Variants in AMHR2 observed in about 807,000 individuals in gnomAD.
The protein encoded by AMHR2 is anti-Mullerian hormone receptor type 2, also known as anti-Muellerian hormone type-2 receptor.
In AMHR2, 36 loss-of-function variants were observed where a neutral mutation model predicts 61.4. That is an observed-to-expected ratio of 0.59 (90% CI 0.45 to 0.77). The LOEUF is 0.77. AMHR2 is among the 30% of genes least tolerant of loss of function. The probability of loss-of-function intolerance (pLI) is 0.00; values close to 1 mark genes in which losing one functional copy is unlikely to be tolerated. For synonymous variants in AMHR2, 258 were observed against 279.4 expected (o/e 0.92, Z 0.76); for missense variants, 638 against 714.6 (o/e 0.89, Z 1.22).
chr12:53,424,296 A>C lies in AMHR2; in HGVS notation c.58A>C (p.Asn20His), dbSNP rs1400848447. Residue 20 changes from asparagine (N) to histidine (H), a missense_variant, in exon 2 of 11, where the codon AAC (asparagine) becomes CAC (histidine). Transcript: ENST00000257863. ...CCCACCCTGGGCCTCAGCACCCCCA[A>C]ACAGGCGAACCTGTGTGTTCTTTGA... is the stretch of plus-strand genomic sequence containing the variant. The part of the protein sequence containing the change: ...LLPTAVEAPP[N>H]RRTCVFFEAP... 2.9e-5 allele frequency: 46 copies of C among 1,612,330 alleles called. No homozygotes were observed. Among genetic ancestry groups the C allele is most frequent in the Non-Finnish European group, 3.9e-5 (46 of 1,180,006 alleles).
rs748586967 is a variant in AMHR2 at position 53,425,875 on chromosome 12, C to T, written c.808C>T (p.Arg270Cys). 2.0e-5 allele frequency: 33 copies of T among 1,613,930 alleles called. No individual in the cohort carries two copies. The highest frequency in any genetic ancestry group is 1.5e-4 in the Admixed American group (9 of 59,986). The change falls in exon 6 of 11, where the codon CGC becomes TGC. Residue 270 changes from arginine to cysteine, a missense_variant. Arg to Cys is a radical substitution (Grantham distance 180). Coordinates refer to ENST00000257863, the MANE Select transcript of AMHR2 (RefSeq NM_020547.3). ...FITASRGGPG[R>C]LLSGPLLVLE... is the part of the protein sequence containing the mutation. ...CACTGCCAGCCGGGGGGGTCCTGGCCGCCTGCTCTCTGGGCCCCTGCTGGT... is the reference window on the plus strand; with the variant it reads ...CACTGCCAGCCGGGGGGGTCCTGGCTGCCTGCTCTCTGGGCCCCTGCTGGT...
chr12:53,426,323 A>G (rs1411406697), intron 6 of AMHR2, among the ~76,000 whole-genome samples: 1 of 140,834 alleles, frequency 7.1e-6, no homozygotes, highest in South Asian at 2.3e-4. Flanking sequence ...GAGCGAGACC[A>G]TGTGAAAAAA....
chr12:53,428,980 G>C lies in AMHR2; in HGVS notation c.937G>C (p.Ala313Pro). The C allele has an allele frequency of 6.4e-7, 1 of 1,551,414 alleles. No homozygotes were observed. The highest frequency in any genetic ancestry group is 8.7e-7 in the Non-Finnish European group (1 of 1,147,014). Reference sequence around the variant, plus strand: ...GGCACTGTCCCTGGCCCAGGGCCTGGCATTTCTCCATGAGGAGCGCTGGCA... The same window carrying C: ...GGCACTGTCCCTGGCCCAGGGCCTGCCATTTCTCCATGAGGAGCGCTGGCA... The part of the protein sequence containing the change: ...RMALSLAQGL[A>P]FLHEERWQNG... Residue 313 changes from alanine (A) to proline (P), a missense_variant, in exon 7 of 11, where the codon GCA becomes CCA. By Grantham distance (27) the Ala-to-Pro change is conservative (BLOSUM62 -1). Coordinates refer to ENST00000257863, the MANE Select transcript of AMHR2 (RefSeq NM_020547.3).
At position 53,424,273 on chromosome 12, in the gene AMHR2, C is replaced by T. The variant is rs903791874; in HGVS notation, c.50-15C>T. 4 of 1,612,258 alleles carry T rather than the reference C, an allele frequency of 2.5e-6. No individual in the cohort carries two copies. In the South Asian group the frequency reaches 3.3e-5, roughly 13 times the overall value. On this transcript the variant is annotated splice_polypyrimidine_tract_variant and intron_variant, in intron 1 of 10. Transcript: ENST00000257863. Reference sequence around the variant, plus strand: ...CCCACCTTGAATCTTTTCCTTTCCCCACCCTGGGCCTCAGCACCCCCAAAC... The same window carrying T: ...CCCACCTTGAATCTTTTCCTTTCCCTACCCTGGGCCTCAGCACCCCCAAAC...
At position 53,425,225 on chromosome 12, in the gene AMHR2, T is replaced by G. The variant is rs754221933; in HGVS notation, c.485T>G (p.Leu162Arg). Reference sequence around the variant, plus strand: ...CTGTTCCTCCTCCTCCTGCTGCTGCTGGGCAGCATCATCTTGGGTACTAAT... The same window carrying G: ...CTGTTCCTCCTCCTCCTGCTGCTGCGGGGCAGCATCATCTTGGGTACTAAT... ...LGLFLLLLLLLGSIILALLQR... is the reference protein window; with the variant it reads ...LGLFLLLLLLRGSIILALLQR... Residue 162 changes from leucine (L) to arginine (R), a missense_variant, in exon 4 of 11, where the codon CTG (leucine) becomes CGG (arginine). Transcript: ENST00000257863. 6.2e-7 allele frequency: 1 copy of G among 1,613,806 alleles called. No individual in the cohort carries two copies. Among genetic ancestry groups the G allele is most frequent in the Non-Finnish European group, 8.5e-7 (1 of 1,179,972 alleles).
At chr12:53,427,230 A>G (rs1011345120) in intron 6 of AMHR2, among the ~76,000 whole-genome samples, 1 of 152,100 alleles carries the variant, frequency 6.6e-6, no homozygotes, top group African/African-American at 2.4e-5. Context: ...AACTATAAGA[A>G]TAATAAGATG....
chr12:53,424,487 A>G lies in AMHR2; in HGVS notation c.232+17A>G. On this transcript the variant is annotated intron_variant, in intron 2 of 10. Transcript: ENST00000257863. ...AAATGCAAGGTGAATGGCAAAGTATATGGCAGGTGATGGCTAGGGTGGGAG... is the reference window on the plus strand; with the variant it reads ...AAATGCAAGGTGAATGGCAAAGTATGTGGCAGGTGATGGCTAGGGTGGGAG... 1.9e-6 allele frequency: 3 copies of G among 1,609,042 alleles called. No homozygotes were observed. The highest frequency in any genetic ancestry group is 2.5e-6 in the Non-Finnish European group (3 of 1,177,792).
chr12:53,424,179 A>T, intron 1 of AMHR2, 109 bp from the exon 2 acceptor site: 1 of 1,482,114 alleles, frequency 6.7e-7, no homozygotes, highest in Admixed American at 1.7e-5. Flanking sequence ...TGGCTTTACC[A>T]TACTGACGCT....
chr12:53,424,333 T>C lies in AMHR2; in HGVS notation c.95T>C (p.Val32Ala). 2 of 1,612,502 alleles carry C rather than the reference T, an allele frequency of 1.2e-6. No homozygotes were observed. The highest frequency in any genetic ancestry group is 1.7e-6 in the Non-Finnish European group (2 of 1,179,916). The change falls in exon 2 of 11, where the codon GTG (valine) becomes GCG (alanine). Residue 32 changes from valine to alanine, a missense_variant. By Grantham distance (64) the Val-to-Ala change is moderately conservative. Transcript: ENST00000257863. ...RTCVFFEAPG[V>A]RGSTKTLGEL... is the part of the protein sequence containing the mutation. ...TGTGTGTTCTTTGAGGCCCCTGGAG[T>C]GCGGGGAAGCACAAAGACACTGGGA... is the stretch of plus-strand genomic sequence containing the variant.
In AMHR2 at chr12:53,425,815, C is replaced by G. The variant is rs926386950; in HGVS notation, c.748C>G (p.Pro250Ala). The G allele has an allele frequency of 6.2e-7, 1 of 1,614,142 alleles. No homozygotes were observed. The highest frequency in any genetic ancestry group is 8.5e-7 in the Non-Finnish European group (1 of 1,180,024). ...FQAERALYEL[P>A]GLQHDHIVRF... is the part of the protein sequence containing the mutation. ...AGCTGAGAGAGCATTGTACGAACTTCCAGGCCTACAGCACGACCACATTGT... is the reference window on the plus strand; with the variant it reads ...AGCTGAGAGAGCATTGTACGAACTTGCAGGCCTACAGCACGACCACATTGT... The change falls in exon 6 of 11, where the codon CCA (proline) becomes GCA (alanine). Residue 250 changes from proline (P) to alanine (A), a missense_variant. Coordinates refer to ENST00000257863, the MANE Select transcript of AMHR2 (RefSeq NM_020547.3).
intron 6 of AMHR2, among the ~76,000 whole-genome samples, chr12:53,427,496 C>T (rs1236454065): frequency 6.6e-6 from 1 of 152,168 alleles, no homozygotes. Flanking sequence ...GCCTCTACCT[C>T]CTGGTTTCAA....
chr12:53,430,150 C>A lies in AMHR2; in HGVS notation c.1293C>A (p.Ser431Arg), dbSNP rs554545861. The change falls in exon 10 of 11, where the codon AGC becomes AGA. Residue 431 changes from serine (S) to arginine (R), a missense_variant. By Grantham distance (110) the Ser-to-Arg change is moderately radical. Transcript: ENST00000257863. ...LSRCPDLRPD[S>R]SPPPFQLAYE... The stretch of plus-strand genomic sequence containing the variant: ...AGCCCCTCTACCTTCCTCCAGACAG[C>A]AGTCCACCACCCTTCCAACTGGCCT... The A allele has an allele frequency of 6.2e-7, 1 of 1,614,188 alleles. No individual in the cohort carries two copies. The highest frequency in any genetic ancestry group is 1.1e-5 in the South Asian group (1 of 91,088).
chr12:53,427,392 C>T, intron 6 of AMHR2, among the ~76,000 whole-genome samples: 1 of 151,962 alleles, frequency 6.6e-6, no homozygotes, highest in East Asian at 1.9e-4. Flanking sequence ...ACGCTACCCG[C>T]TTTTTATTTT....
chr12:53,427,391 G>A (rs375461349), intron 6 of AMHR2, among the ~76,000 whole-genome samples: 1 of 151,894 alleles, frequency 6.6e-6, no homozygotes, highest in Non-Finnish European at 1.5e-5. Context: ...TACGCTACCC[G>A]CTTTTTATTT....
chr12:53,430,621 GC>G, intron 10 of AMHR2: 1 of 446,234 alleles, frequency 2.2e-6, no homozygotes, highest in Admixed American at 3.4e-5. Flanking sequence ...CCTGAGCTCT[GC>G]CCCATCTGCT....
Position 53,431,572 on chromosome 12 carries a change from T to A in AMHR2, c.*99T>A. On this transcript the variant is annotated 3_prime_UTR_variant, in exon 11 of 11. Transcript: ENST00000257863. ...ATCACTGCATTTCCCACCTGCCGAA[T>A]CCTTGGATTCTTCTGCGGGCATCCA... 1 of 1,498,292 alleles carries A rather than the reference T, an allele frequency of 6.7e-7. No homozygotes were observed. Among genetic ancestry groups the A allele is most frequent in the Admixed American group, 1.7e-5 (1 of 57,846 alleles). 92.8% of individuals were successfully genotyped at this position (1,498,292 alleles called of 1,614,324 possible).
At chr12:53,429,695 G>A (rs2136969083) in intron 8 of AMHR2, 70 bp downstream of exon 8, 1 of 1,602,042 alleles carries the variant, frequency 6.2e-7, no homozygotes, top group Non-Finnish European at 8.5e-7. Context: ...CAGCCATTGT[G>A]TGTCAACAGT....
rs777670527 is a variant in AMHR2, at chr12:53,431,298, C to A, written c.1547C>A (p.Pro516His). 1.9e-6 allele frequency: 3 copies of A among 1,614,090 alleles called. No individual in the cohort carries two copies. Among genetic ancestry groups the A allele is most frequent in the Non-Finnish European group, 2.5e-6 (3 of 1,180,046 alleles). ...TTGGCCCATCCTCAAGAGAGCCACC[C>A]CTTTCCAGAGAGCTGTCCACGTGGC... The part of the protein sequence containing the change: ...AALAHPQESH[P>H]FPESCPRGCP... The change falls in exon 11 of 11, where the codon CCC becomes CAC. Residue 516 changes from proline (P) to histidine (H), a missense_variant. Physicochemically the swap from Pro to His is moderately conservative, Grantham distance 77 (BLOSUM62 -2). Coordinates refer to ENST00000257863, the MANE Select transcript of AMHR2 (RefSeq NM_020547.3).
intron 6 of AMHR2, among the ~76,000 whole-genome samples, chr12:53,428,565 C>T (rs2136962293): frequency 6.6e-6 from 1 of 152,282 alleles, no homozygotes; most frequent in Admixed American, 6.5e-5. Flanking sequence ...AAGAGAGTTT[C>T]CTTAGTTCTG....
Sources: gnomAD v4.1 joint callset for allele counts (sites outside exome capture counted in the v4.1 genomes callset) on GRCh38, gnomAD v4.1.1 for gene constraint, MANE v1.5 for transcripts, NCBI Gene and HGNC (gene_info 2026-07-23, HGNC 2026-07-21) for gene names.